GSK3B: variants seen among roughly 807,000 people sequenced by gnomAD.
GSK3B encodes glycogen synthase kinase-3 beta.
In GSK3B, 15 loss-of-function variants were observed where a neutral mutation model predicts 56.4. That is an observed-to-expected ratio of 0.27 (90% CI 0.18 to 0.41). The LOEUF is 0.41. GSK3B is among the 10% of genes least tolerant of loss of function. GSK3B has a pLI of 1.00. For missense variants in GSK3B, 300 were observed against 513.4 expected, an observed-to-expected ratio of 0.58 and a Z score of 4.02; for synonymous variants, 181 against 188.9, an observed-to-expected ratio of 0.96 and a Z score of 0.34.
chr3:119,851,965 G>C (rs1290286180), intron 9 of GSK3B, among the ~76,000 whole-genome samples: 1 of 152,128 alleles, frequency 6.6e-6, no homozygotes, highest in Non-Finnish European at 1.5e-5. Flanking sequence ...TTACTTACTT[G>C]TATATATTTC....
At chr3:119,852,878 G>A (rs2055958759) in intron 9 of GSK3B, among the ~76,000 whole-genome samples, 1 of 152,164 alleles carries the variant, frequency 6.6e-6, no homozygotes, top group South Asian at 2.1e-4. Context: ...TAGGTTGCCT[G>A]TTCACTCTGA....
intron 7 of GSK3B, among the ~76,000 whole-genome samples, chr3:119,905,208 T>G (rs914956882): frequency 6.6e-6 from 1 of 151,600 alleles, no homozygotes; most frequent in Non-Finnish European, 1.5e-5. Flanking sequence ...TTAAAATAAA[T>G]AAAATTATAT....
At chr3:119,940,110 T>G (rs62264735) in intron 3 of GSK3B, among the ~76,000 whole-genome samples, 95 of 149,064 alleles carry the variant, frequency 6.4e-4, no homozygotes, top group African/African-American at 2.1e-3. Flanking sequence ...GTGTGTGTGT[T>G]TGTGTGTGTG....
At chr3:119,902,304 T>A (rs985066552) in intron 7 of GSK3B, among the ~76,000 whole-genome samples, 3 of 152,094 alleles carry the variant, frequency 2.0e-5, no homozygotes, top group Non-Finnish European at 4.4e-5. Context: ...ACCTCATATA[T>A]ATTTAACATT....
chr3:120,088,575 A>G (rs1255485444), intron 1 of GSK3B, among the ~76,000 whole-genome samples: 1 of 152,250 alleles, frequency 6.6e-6, no homozygotes, highest in Non-Finnish European at 1.5e-5. Flanking sequence ...CTTCTTCTGA[A>G]CAATGAAAAT....
intron 1 of GSK3B, among the ~76,000 whole-genome samples, chr3:120,069,221 A>G (rs1213807082): frequency 6.6e-6 from 1 of 152,188 alleles, no homozygotes. Flanking sequence ...CTCAAGCTGT[A>G]AATATTATCT....
rs559946074 is a variant in GSK3B, at chr3:120,061,283, G to A, written c.88+32064C>T. ...TGTTAGATAATACATGTTTACTGTA[G>A]AAAAATTCGAAAATAAAGATAGCAA... On this transcript the variant is annotated intron_variant, in intron 1 of 10. Coordinates refer to ENST00000264235, the MANE Select transcript of GSK3B (RefSeq NM_001146156.2). Among the ~76,000 whole-genome samples the A allele has an allele frequency of 4.4e-4, 67 of 152,228 alleles. 1 individual carries two copies. The South Asian group carries it at 0.014, about 31-fold the overall frequency.
intron 3 of GSK3B, among the ~76,000 whole-genome samples, chr3:119,931,762 G>C (rs2056947976): frequency 1.3e-5 from 2 of 152,132 alleles, no homozygotes; most frequent in Non-Finnish European, 2.9e-5. Flanking sequence ...CCAAAAAACT[G>C]GCAAAAGAGT....
At chr3:119,996,854 T>C (rs1045101894) in intron 2 of GSK3B, among the ~76,000 whole-genome samples, 4 of 151,878 alleles carry the variant, frequency 2.6e-5, no homozygotes, top group Non-Finnish European at 5.9e-5. Context: ...CAAGTCTGAC[T>C]GAGAAAAACA....
intron 7 of GSK3B, among the ~76,000 whole-genome samples, chr3:119,884,533 G>C (rs1169670406): frequency 1.3e-5 from 2 of 152,062 alleles, no homozygotes; most frequent in Non-Finnish European, 2.9e-5. Flanking sequence ...AAAACCTAAG[G>C]CTGACAGAAG....
At chr3:119,896,271 T>A (rs1488013571) in intron 7 of GSK3B, among the ~76,000 whole-genome samples, 1 of 152,198 alleles carries the variant, frequency 6.6e-6, no homozygotes, top group Non-Finnish European at 1.5e-5. Flanking sequence ...TTACGTAAAC[T>A]ATTGAACATA....
intron 1 of GSK3B, chr3:120,041,573 TG>T (rs1429559247): frequency 6.0e-6 from 1 of 166,282 alleles, no homozygotes; most frequent in Non-Finnish European, 1.3e-5. Context: ...TACATGTGTA[TG>T]AGTATGAGGC....
rs374778695 is a variant in GSK3B at position 119,853,334 on chromosome 3, T to C, written c.1097-9981A>G. ...TGTTTTGGTTACTGTAGCCTTGTAGTATAGTTCGAAGTCAAGTCGTGCTGC... is the reference window on the plus strand; with the variant it reads ...TGTTTTGGTTACTGTAGCCTTGTAGCATAGTTCGAAGTCAAGTCGTGCTGC... On this transcript the variant is annotated intron_variant, in intron 9 of 10. Transcript: ENST00000264235. Among the ~76,000 whole-genome samples, 37 of 149,862 alleles carry C rather than the reference T, an allele frequency of 2.5e-4. 5 individuals are homozygous for C. The highest frequency in any genetic ancestry group is 2.0e-3 in the Admixed American group (30 of 15,164).
At chr3:119,832,893 A>C (rs2055626502) in intron 10 of GSK3B, 1 of 698,646 alleles carries the variant, frequency 1.4e-6, no homozygotes, top group African/African-American at 1.9e-5. Flanking sequence ...TTTCATATGT[A>C]AAATTCTATA....
In GSK3B at chr3:119,863,448, G is replaced by A. The variant is rs776291124; in HGVS notation, c.1067C>T (p.Thr356Ile). The change falls in exon 9 of 11, where the codon ACA becomes ATA. Residue 356 changes from threonine (T) to isoleucine (I), a missense_variant. Coordinates refer to ENST00000264235, the MANE Select transcript of GSK3B (RefSeq NM_001146156.2). ...AGTGGTGAAGTTGAAGAGTGCAGGT[G>A]TGTCTCGCCCATTTGGTAGTTTGAC... ...PNVKLPNGRD[T>I]PALFNFTTQE... 1.9e-6 allele frequency: 3 copies of A among 1,613,978 alleles called. No individual in the cohort carries two copies. Among genetic ancestry groups the A allele is most frequent in the Non-Finnish European group, 2.5e-6 (3 of 1,179,862 alleles).
intron 7 of GSK3B, among the ~76,000 whole-genome samples, chr3:119,893,959 G>C (rs771645819): frequency 2.0e-5 from 3 of 151,486 alleles, no homozygotes; most frequent in Non-Finnish European, 2.9e-5. Context: ...CATTTACAGA[G>C]GTGTGCAATC....
chr3:119,846,163 G>A (rs1438235569), intron 9 of GSK3B, among the ~76,000 whole-genome samples: 2 of 152,122 alleles, frequency 1.3e-5, no homozygotes, highest in Non-Finnish European at 2.9e-5. Context: ...ATGGATTAGA[G>A]ACTTAAACGT....
At chr3:119,881,863 A>C (rs954224320) in intron 7 of GSK3B, among the ~76,000 whole-genome samples, 1 of 152,282 alleles carries the variant, frequency 6.6e-6, no homozygotes, top group Admixed American at 6.5e-5. Context: ...ATAGTGAATA[A>C]GTCTCACAAG....
chr3:120,015,192 TAC>T (rs2057813184), intron 1 of GSK3B, among the ~76,000 whole-genome samples: 1 of 152,200 alleles, frequency 6.6e-6, no homozygotes, highest in Admixed American at 6.5e-5. Context: ...CTCAATAAAT[TAC>T]AGTTTCTTTG....
Sources: gnomAD v4.1 joint callset for allele counts (sites outside exome capture counted in the v4.1 genomes callset) on GRCh38, gnomAD v4.1.1 for gene constraint, MANE v1.5 for transcripts, NCBI Gene and HGNC (gene_info 2026-07-23, HGNC 2026-07-21) for gene names.